BICRAL: variants seen among roughly 807,000 people sequenced by gnomAD.
BICRAL encodes BRD4-interacting chromatin-remodeling complex-associated protein-like.
A neutral mutation model predicts 91.8 loss-of-function variants in BICRAL; 8 were observed. The observed-to-expected ratio is 0.09, with a 90% CI of 0.05 to 0.16. BICRAL has a LOEUF of 0.16. BICRAL is among the 10% of genes least tolerant of loss of function. BICRAL has a pLI of 1.00. For missense variants in BICRAL, 1,038 were observed against 1,310.9 expected (o/e 0.79, Z 3.21); for synonymous variants, 445 against 491.1 (o/e 0.91, Z 1.24).
rs764629909 is a variant in BICRAL at position 42,828,601 on chromosome 6, G to A, written c.268G>A (p.Glu90Lys). 48 of 1,613,916 alleles carry A rather than the reference G, an allele frequency of 3.0e-5. No homozygotes were observed. The Admixed American group carries it at 3.2e-4, about 11-fold the overall frequency. ...CCTCCAGTTTCTTGAAGATGAACTC[G>A]AGTCTTCTCCTCTTCCTGATCTCAC... ...SSLQFLEDEL[E>K]SSPLPDLTED... Residue 90 changes from glutamate to lysine, a missense_variant, in exon 6 of 13, where the codon GAG becomes AAG. By Grantham distance (56) the Glu-to-Lys change is moderately conservative. Around this residue, in one of 5 missense-constraint regions of BICRAL, gnomAD observed 115 missense variants for 121.5 expected, o/e 0.95. Transcript: ENST00000314073.
intron 1 of BICRAL, among the ~76,000 whole-genome samples, chr6:42,783,858 G>A (rs1014093890): frequency 8.5e-5 from 13 of 152,198 alleles, no homozygotes; most frequent in African/African-American, 3.1e-4. Flanking sequence ...TCTCTCCTGC[G>A]GTCTGAGAGT....
At chr6:42,849,998 G>A (rs2114010265) in intron 6 of BICRAL, among the ~76,000 whole-genome samples, 1 of 151,532 alleles carries the variant, frequency 6.6e-6, no homozygotes, top group East Asian at 2.0e-4. Context: ...GATCACACCA[G>A]TGCACTCCAG....
chr6:42,811,677 A>C, intron 2 of BICRAL, among the ~76,000 whole-genome samples: 1 of 151,706 alleles, frequency 6.6e-6, no homozygotes, highest in Non-Finnish European at 1.5e-5. Context: ...CCAGAGAGAG[A>C]GAGCACTGCA....
intron 1 of BICRAL, among the ~76,000 whole-genome samples, chr6:42,803,484 G>A (rs1286016289): frequency 2.6e-5 from 4 of 152,124 alleles, no homozygotes; most frequent in African/African-American, 7.2e-5. Flanking sequence ...CTGTACCATC[G>A]TCAAAAAGTG....
chr6:42,847,378 T>C (rs1172190703), intron 6 of BICRAL, among the ~76,000 whole-genome samples: 1 of 152,224 alleles, frequency 6.6e-6, no homozygotes, highest in Non-Finnish European at 1.5e-5. Context: ...GAGAGTTTTT[T>C]TCATGAATGG....
At chr6:42,783,015 G>A (rs1762969272) in intron 1 of BICRAL, among the ~76,000 whole-genome samples, 1 of 151,928 alleles carries the variant, frequency 6.6e-6, no homozygotes, top group South Asian at 2.1e-4. Context: ...CGGCGGAGAC[G>A]GGGTTTATTT....
chr6:42,792,177 T>TTGAAAAA (rs1441669092), intron 1 of BICRAL, among the ~76,000 whole-genome samples: 1 of 152,170 alleles, frequency 6.6e-6, no homozygotes, highest in African/African-American at 2.4e-5. Context: ...ACTGTGAACT[T>TTGAAAAA]AATAAACACC....
In BICRAL at chr6:42,810,334, C is replaced by T. The variant is rs1763816986; in HGVS notation, c.-73C>T. On this transcript the variant is annotated 5_prime_UTR_variant, in exon 2 of 13. Coordinates refer to ENST00000314073, the MANE Select transcript of BICRAL (RefSeq NM_001393499.1). ...AACGTCATATTATTTCACAAAAAGC[C>T]CAGCGATTTCACCTGAAGAAGCTTG... 6.6e-6 allele frequency: 1 copy of T among 152,038 alleles called. No individual in the cohort carries two copies. The highest frequency in any genetic ancestry group is 2.1e-4 in the South Asian group (1 of 4,822). The allele number at this position is 152,038 out of a possible 1,614,324, so 9.4% of individuals were successfully genotyped here. A position where few individuals can be genotyped will look rare whatever the true frequency, so the allele number is the denominator to read the frequency against.
chr6:42,766,628 T>C (rs1762636593), intron 1 of BICRAL, among the ~76,000 whole-genome samples: 1 of 151,966 alleles, frequency 6.6e-6, no homozygotes, highest in Non-Finnish European at 1.5e-5. Flanking sequence ...CACTTGAGGT[T>C]AGCAGTTTGA....
At chr6:42,812,546 AT>A (rs1396881434) in intron 2 of BICRAL, among the ~76,000 whole-genome samples, 4 of 152,166 alleles carry the variant, frequency 2.6e-5, no homozygotes, top group African/African-American at 9.6e-5. Context: ...GCAAAAAAAA[AT>A]TTTAAATAAT....
chr6:42,747,537 C>T (rs1478900185), intron 1 of BICRAL, among the ~76,000 whole-genome samples: 1 of 152,184 alleles, frequency 6.6e-6, no homozygotes, highest in African/African-American at 2.4e-5. Context: ...TTCCTTCCCA[C>T]TTAAAACAAA....
chr6:42,765,305 G>GT (rs1214758077), intron 1 of BICRAL, among the ~76,000 whole-genome samples: 3 of 152,210 alleles, frequency 2.0e-5, no homozygotes, highest in African/African-American at 7.2e-5. Context: ...ATGTGAATGC[G>GT]TAACAGGGCT....
chr6:42,857,685 G>A (rs1458024742), intron 10 of BICRAL, among the ~76,000 whole-genome samples: 1 of 146,260 alleles, frequency 6.8e-6, no homozygotes, highest in Admixed American at 6.8e-5. Context: ...ACAAATTAGG[G>A]ACAGTAAATC....
chr6:42,763,851 G>A (rs764300693), intron 1 of BICRAL, among the ~76,000 whole-genome samples: 10 of 149,578 alleles, frequency 6.7e-5, no homozygotes, highest in African/African-American at 1.5e-4. Flanking sequence ...CAAAAAAAAC[G>A]AGCGTTTTCA....
intron 10 of BICRAL, 46 bp from the exon 11 acceptor site, chr6:42,860,216 G>A (rs1276263318): frequency 4.7e-6 from 5 of 1,066,424 alleles, no homozygotes; most frequent in Non-Finnish European, 5.8e-6. Flanking sequence ...GACCTAGTCA[G>A]TGATTTACAG....
intron 1 of BICRAL, among the ~76,000 whole-genome samples, chr6:42,751,470 T>C (rs1228952281): frequency 6.6e-6 from 1 of 152,144 alleles, no homozygotes; most frequent in Non-Finnish European, 1.5e-5. Flanking sequence ...AATCTCATGA[T>C]TGTAGTTACA....
intron 1 of BICRAL, among the ~76,000 whole-genome samples, chr6:42,761,717 G>A (rs1762552527): frequency 6.6e-6 from 1 of 151,976 alleles, no homozygotes; most frequent in Non-Finnish European, 1.5e-5. Flanking sequence ...AGACCAGCCT[G>A]GACAACATGG....
intron 6 of BICRAL, among the ~76,000 whole-genome samples, chr6:42,844,508 CAAAAAAAAAAAAAAAAAAAAA>C (rs34115804): frequency 9.2e-4 from 29 of 31,436 alleles, no homozygotes; most frequent in South Asian, 2.3e-3. Context: ...GACTCCATCT[CAAAAAAAAAAAAAAAAAAAAA>C]AAAAAAAAAA....
intron 5 of BICRAL, among the ~76,000 whole-genome samples, chr6:42,825,086 C>G (rs1764252964): frequency 6.6e-6 from 1 of 151,714 alleles, no homozygotes; most frequent in Non-Finnish European, 1.5e-5. Context: ...TAGTGAAACC[C>G]CATCTCTACT....
Sources: allele counts gnomAD v4.1 joint callset (sites outside exome capture counted in the v4.1 genomes callset), GRCh38; gene constraint gnomAD v4.1.1; regional missense constraint gnomAD v4.1.1; transcripts MANE v1.5; gene names NCBI Gene and HGNC (gene_info 2026-07-23, HGNC 2026-07-21).